Variants in PILRB observed in about 807,000 individuals in gnomAD.
PILRB encodes the protein paired immunoglobin like type 2 receptor beta.
PILRB carries 21 observed loss-of-function variants against 20.5 expected under a neutral mutation model. The ratio of observed to expected loss-of-function variants is 1.02; its 90% confidence interval spans 0.72 to 1.47. The LOEUF (loss-of-function observed/expected upper bound fraction) is 1.47, where lower values mean the gene tolerates loss of function less well. Among genes scored for constraint, PILRB ranks in the 40% most tolerant of loss-of-function variants. PILRB has a pLI of 0.00. For missense variants in PILRB, 253 were observed against 272.1 expected (o/e 0.93, Z 0.49); for synonymous variants, 133 against 115.1 (o/e 1.16, Z -0.99).
rs751148702 is a variant in PILRB at position 100,358,268 on chromosome 7, G to C, written c.-35G>C. On this transcript the variant is annotated 5_prime_UTR_variant, in exon 1 of 4. Coordinates refer to ENST00000609309, the MANE Select transcript of PILRB (RefSeq NM_178238.4). ...GCCCCTCTCCTGCCTGGACAGCTCT[G>C]CTGGTCTCCCCGTCCCCTGGAGAAG... 2 of 1,610,814 alleles carry C rather than the reference G, an allele frequency of 1.2e-6. No homozygotes were observed. Among genetic ancestry groups the C allele is most frequent in the East Asian group, 4.5e-5 (2 of 44,880 alleles).
chr7:100,360,526 C>T (rs776935905), intron 3 of PILRB, among the ~76,000 whole-genome samples: 21 of 152,082 alleles, frequency 1.4e-4, no homozygotes, highest in Non-Finnish European at 2.1e-4. Flanking sequence ...CTGTAGGAAG[C>T]TTGGTGCTGG....
chr7:100,358,419 C>A, intron 1 of PILRB, 53 bp downstream of exon 1: 1 of 1,591,264 alleles, frequency 6.3e-7, no homozygotes, highest in Non-Finnish European at 8.6e-7. Flanking sequence ...ACAGGAGGGG[C>A]CAACCCAAGA....
chr7:100,358,504 G>A lies in PILRB; in HGVS notation c.64+138G>A. 3.2e-6 allele frequency: 4 copies of A among 1,257,808 alleles called. 1 individual carries two copies. Among genetic ancestry groups the A allele is most frequent in the Non-Finnish European group, 4.4e-6 (4 of 905,456 alleles). The allele number at this position is 1,257,808 out of a possible 1,614,324, so 77.9% of individuals were successfully genotyped here. On this transcript the variant is annotated intron_variant, in intron 1 of 3. Transcript: ENST00000609309. Reference sequence around the variant, plus strand: ...AAGGGCGGGTCCCATAGGGGTGGGTGCCGCCATCTCTTCCCCCTCCACCCT... The same window carrying A: ...AAGGGCGGGTCCCATAGGGGTGGGTACCGCCATCTCTTCCCCCTCCACCCT...
At chr7:100,363,016 G>C (rs954793350) in intron 3 of PILRB, among the ~76,000 whole-genome samples, 12 of 151,920 alleles carry the variant, frequency 7.9e-5, no homozygotes, top group Admixed American at 4.6e-4. Context: ...AAGTCAGGCT[G>C]GTCACAGTGG....
intron 3 of PILRB, among the ~76,000 whole-genome samples, chr7:100,365,824 A>G (rs1230924290): frequency 6.6e-6 from 1 of 152,196 alleles, no homozygotes; most frequent in African/African-American, 2.4e-5. Context: ...TCTCAAAAAA[A>G]GAACTTTTGG....
chr7:100,366,971 A>G lies in PILRB; in HGVS notation c.656-378A>G, dbSNP rs567864556. On this transcript the variant is annotated intron_variant, in intron 3 of 3. Coordinates refer to ENST00000609309, the MANE Select transcript of PILRB (RefSeq NM_178238.4). ...CAGGCCCTTCCTGATGGGTTTGGGC[A>G]GAGCTGATCTGCTGCTCTGGTCCCT... Among the ~76,000 whole-genome samples the G allele has an allele frequency of 5.9e-4, 90 of 152,236 alleles. 1 individual carries two copies. Among genetic ancestry groups the G allele is most frequent in the Admixed American group, 1.3e-3 (20 of 15,288 alleles).
rs538494577 is a variant in PILRB, at chr7:100,358,346, C to A, written c.44C>A (p.Pro15Gln). Residue 15 changes from proline to glutamine, a missense_variant, in exon 1 of 4, where the codon CCG becomes CAG. Pro to Gln is a moderately conservative substitution (Grantham distance 76). Coordinates refer to ENST00000609309, the MANE Select transcript of PILRB (RefSeq NM_178238.4). The part of the protein sequence containing the change: ...LLLPLLLLLQ[P>Q]PAFLQPGGST... ...CTGCCCCTGCTGCTCCTGCTGCAGC[C>A]GCCAGCATTTCTGCAGCCTGGTGAG... 1.2e-6 allele frequency: 2 copies of A among 1,612,734 alleles called. No homozygotes were observed. The highest frequency in any genetic ancestry group is 2.2e-5 in the East Asian group (1 of 44,882).
rs200935118 is a variant in PILRB at position 100,358,872 on chromosome 7, A to G, written c.247A>G (p.Ser83Gly). ...RGHFHGQSFY[S>G]TRPPSIHKDY... ...CCACTTCCACGGGCAGTCCTTCTAC[A>G]GCACAAGGCCGCCTTCCATTCACAA... Residue 83 changes from serine to glycine, a missense_variant, in exon 2 of 4, where the codon AGC becomes GGC. Transcript: ENST00000609309. 61 of 1,613,630 alleles carry G rather than the reference A, an allele frequency of 3.8e-5. No individual in the cohort carries two copies. Among genetic ancestry groups the G allele is most frequent in the Middle Eastern group, 3.3e-4 (2 of 6,076 alleles).
At position 100,358,128 on chromosome 7, in the gene PILRB, T is replaced by C. The variant is rs1790412456; in HGVS notation, c.-175T>C. 3 of 654,346 alleles carry C rather than the reference T, an allele frequency of 4.6e-6. No homozygotes were observed. In the South Asian group the frequency reaches 5.5e-5, roughly 12 times the overall value. 40.5% of individuals were successfully genotyped at this position (654,346 alleles called of 1,614,324 possible). A position where few individuals can be genotyped will look rare whatever the true frequency, so the allele number is the denominator to read the frequency against. On this transcript the variant is annotated 5_prime_UTR_variant, in exon 1 of 4. Coordinates refer to ENST00000609309, the MANE Select transcript of PILRB (RefSeq NM_178238.4). ...GAAGCCAGATGGATAAAGGAAGTGCTGGTCACCCTGGAGGTGTACTGGTTT... is the reference window on the plus strand; with the variant it reads ...GAAGCCAGATGGATAAAGGAAGTGCCGGTCACCCTGGAGGTGTACTGGTTT...
At chr7:100,367,271 C>G in intron 3 of PILRB, 78 bp from the exon 4 acceptor site, 1 of 778,916 alleles carries the variant, frequency 1.3e-6, no homozygotes. Context: ...CCACTTAAAT[C>G]TGATCTCTGA....
At chr7:100,359,613 C>A in intron 3 of PILRB, 76 bp downstream of exon 3, 2 of 1,275,664 alleles carry the variant, frequency 1.6e-6, no homozygotes, top group Non-Finnish European at 2.2e-6. Context: ...AGCTAAGGGA[C>A]TTCAGAAATA....
At chr7:100,362,634 G>A (rs535341638) in intron 3 of PILRB, among the ~76,000 whole-genome samples, 144 of 151,712 alleles carry the variant, frequency 9.5e-4, no homozygotes, top group Non-Finnish European at 1.7e-3. Context: ...TCATCCTTTC[G>A]AGGAGCTAGG....
In PILRB at chr7:100,367,736, CCCCTT is replaced by C; in HGVS notation, c.*360_*364del. 4.2e-6 allele frequency: 1 copy of C among 238,478 alleles called. No individual in the cohort carries two copies. The highest frequency in any genetic ancestry group is 8.2e-6 in the Non-Finnish European group (1 of 121,494). 14.8% of individuals were successfully genotyped at this position (238,478 alleles called of 1,614,324 possible). On this transcript the variant is annotated 3_prime_UTR_variant, in exon 4 of 4. Transcript: ENST00000609309. ...TACAATTTATTTTGCTTACCATACA[CCCCTT>C]TTCTCCTCGTCCACATTTTCCAATC...
intron 2 of PILRB, 61 bp from the exon 3 acceptor site, chr7:100,359,276 C>G: frequency 7.7e-6 from 12 of 1,568,324 alleles, no homozygotes; most frequent in Non-Finnish European, 1.1e-5. Flanking sequence ...GCACACCATG[C>G]CTTTCATCCA....
intron 3 of PILRB, among the ~76,000 whole-genome samples, chr7:100,365,443 C>T (rs1007861734): frequency 1.3e-5 from 2 of 152,050 alleles, no homozygotes; most frequent in Admixed American, 6.6e-5. Flanking sequence ...AGCCAGATTC[C>T]TAGAAACAGG....
At chr7:100,361,715 T>C (rs1457735874) in intron 3 of PILRB, among the ~76,000 whole-genome samples, 1 of 152,002 alleles carries the variant, frequency 6.6e-6, no homozygotes, top group Non-Finnish European at 1.5e-5. Context: ...AAGAAAGTCT[T>C]CAGTGAAAGG....
chr7:100,367,656 G>T lies in PILRB; in HGVS notation c.*279G>T. On this transcript the variant is annotated 3_prime_UTR_variant, in exon 4 of 4. Transcript: ENST00000609309. ...TGAATTAAACCACTGGCATTTGGGG[G>T]CTGTTTATTATAGCAGTGCAAAGAG... is the stretch of plus-strand genomic sequence containing the variant. 2.1e-6 allele frequency: 1 copy of T among 479,914 alleles called. No individual in the cohort carries two copies. Among genetic ancestry groups the T allele is most frequent in the Non-Finnish European group, 3.7e-6 (1 of 268,602 alleles). 29.7% of individuals were successfully genotyped at this position (479,914 alleles called of 1,614,324 possible).
chr7:100,358,708 G>C lies in PILRB; in HGVS notation c.83G>C (p.Gly28Ala). ...CCTCTAGGTGGCTCCACAGGATCTG[G>C]TCCAAGCTACCTTTATGGGGTCACT... ...FLQPGGSTGSGPSYLYGVTQP... is the reference protein window; with the variant it reads ...FLQPGGSTGSAPSYLYGVTQP... The change falls in exon 2 of 4, where the codon GGT (glycine) becomes GCT (alanine). Residue 28 changes from glycine (G) to alanine (A), a missense_variant. Transcript: ENST00000609309. The C allele has an allele frequency of 3.7e-6, 6 of 1,613,882 alleles. No individual in the cohort carries two copies. Among genetic ancestry groups the C allele is most frequent in the Non-Finnish European group, 5.1e-6 (6 of 1,179,840 alleles).
chr7:100,365,416 T>TA (rs1395563038), intron 3 of PILRB, among the ~76,000 whole-genome samples: 1 of 151,942 alleles, frequency 6.6e-6, no homozygotes, highest in Non-Finnish European at 1.5e-5. Context: ...TGATTCCACT[T>TA]ACATGGTATC....
Sources: gnomAD v4.1 joint callset for allele counts (sites outside exome capture counted in the v4.1 genomes callset) on GRCh38, gnomAD v4.1.1 for gene constraint, MANE v1.5 for transcripts, NCBI Gene and HGNC (gene_info 2026-07-23, HGNC 2026-07-21) for gene names.